Variants in PSMB7 observed in about 807,000 individuals in gnomAD.
PSMB7 encodes proteasome subunit beta type-7.
Under a neutral mutation model 28.1 loss-of-function variants are expected in PSMB7, and 5 were observed. That is an observed-to-expected ratio of 0.18 (90% CI 0.09 to 0.37). PSMB7 has a LOEUF of 0.37. Among genes scored for constraint, PSMB7 ranks in the 10% least tolerant of loss-of-function variants. PSMB7 has a pLI of 1.00. For missense variants in PSMB7, 275 were observed against 346.2 expected, an observed-to-expected ratio of 0.79 and a Z score of 1.63; for synonymous variants, 122 against 123.7, an observed-to-expected ratio of 0.99 and a Z score of 0.09.
chr9:124,383,665 A>G (rs1057198907), intron 6 of PSMB7: 2 of 152,214 alleles, frequency 1.3e-5, no homozygotes, highest in Non-Finnish European at 2.9e-5. Flanking sequence ...GTCAAAAAGC[A>G]ATTCCCAGAG....
intron 5 of PSMB7, among the ~76,000 whole-genome samples, chr9:124,388,207 G>T (rs1257637100): frequency 1.3e-5 from 2 of 152,216 alleles, no homozygotes; most frequent in African/African-American, 4.8e-5. Context: ...CAAAAGCAGA[G>T]ACATCTTAGA....
At chr9:124,378,084 C>T (rs2131156271) in intron 6 of PSMB7, among the ~76,000 whole-genome samples, 1 of 152,350 alleles carries the variant, frequency 6.6e-6, no homozygotes, top group South Asian at 2.1e-4. Context: ...AGAATTCTAA[C>T]TGTAGGGCAC....
intron 7 of PSMB7, among the ~76,000 whole-genome samples, chr9:124,354,066 C>A (rs925411373): frequency 2.0e-5 from 3 of 152,130 alleles, no homozygotes; most frequent in Non-Finnish European, 4.4e-5. Context: ...GAAGCAAATC[C>A]CATCATTACA....
Position 124,369,655 on chromosome 9 carries a change from T to C in PSMB7, c.571-12740A>G, listed in dbSNP as rs555683839. ...TTTAGACACTGTCTGCCATTTCCCT[T>C]CCCAGCTGTCCCAACTTCCAGGACT... On this transcript the variant is annotated intron_variant, in intron 6 of 7. Coordinates refer to ENST00000259457, the MANE Select transcript of PSMB7 (RefSeq NM_002799.4). Among the ~76,000 whole-genome samples the C allele has an allele frequency of 2.6e-5, 4 of 152,292 alleles. No individual in the cohort carries two copies. The East Asian group carries it at 5.8e-4, about 22-fold the overall frequency.
intron 4 of PSMB7, among the ~76,000 whole-genome samples, chr9:124,410,312 A>C (rs1349365449): frequency 6.6e-6 from 1 of 152,210 alleles, no homozygotes; most frequent in Non-Finnish European, 1.5e-5. Flanking sequence ...AGGATTCTTA[A>C]AACATTCTGA....
intron 6 of PSMB7, among the ~76,000 whole-genome samples, chr9:124,361,908 CTCACT>C (rs900248284): frequency 6.6e-6 from 1 of 152,220 alleles, no homozygotes; most frequent in Non-Finnish European, 1.5e-5. Context: ...AATTTCTCTT[CTCACT>C]TAAGTGATTT....
At chr9:124,407,144 C>T (rs1014085532) in intron 4 of PSMB7, among the ~76,000 whole-genome samples, 2 of 152,166 alleles carry the variant, frequency 1.3e-5, no homozygotes, top group African/African-American at 2.4e-5. Flanking sequence ...AAAACTGACA[C>T]ATACTGAATT....
chr9:124,380,511 A>T (rs1830653562), intron 6 of PSMB7, among the ~76,000 whole-genome samples: 1 of 152,224 alleles, frequency 6.6e-6, no homozygotes, highest in Non-Finnish European at 1.5e-5. Flanking sequence ...ACTGCACTCC[A>T]GCCTGGGCAA....
intron 4 of PSMB7, among the ~76,000 whole-genome samples, chr9:124,407,246 G>C (rs2131179216): frequency 6.6e-6 from 1 of 152,358 alleles, no homozygotes; most frequent in Admixed American, 6.5e-5. Flanking sequence ...CACACATCCA[G>C]AAGTGCTCTA....
intron 5 of PSMB7, among the ~76,000 whole-genome samples, chr9:124,386,933 C>A (rs1830727077): frequency 6.6e-6 from 1 of 152,120 alleles, no homozygotes; most frequent in African/African-American, 2.4e-5. Context: ...ATTTCCCTCC[C>A]CAAATAATTA....
At chr9:124,368,144 A>G (rs544332497) in intron 6 of PSMB7, among the ~76,000 whole-genome samples, 1 of 152,376 alleles carries the variant, frequency 6.6e-6, no homozygotes, top group South Asian at 2.1e-4. Context: ...CAGAAAAAGA[A>G]GGCAGACTTA....
chr9:124,361,385 G>A (rs934094365), intron 6 of PSMB7, among the ~76,000 whole-genome samples: 4 of 152,124 alleles, frequency 2.6e-5, no homozygotes, highest in African/African-American at 4.8e-5. Context: ...GGTCCACGTC[G>A]GCCACGTAAT....
intron 5 of PSMB7, among the ~76,000 whole-genome samples, chr9:124,401,282 C>T (rs1830903758): frequency 6.6e-6 from 1 of 152,220 alleles, no homozygotes; most frequent in Admixed American, 6.5e-5. Context: ...CAAACACCCA[C>T]CAGCCACACA....
chr9:124,367,050 G>A (rs1258965252), intron 6 of PSMB7, among the ~76,000 whole-genome samples: 1 of 152,238 alleles, frequency 6.6e-6, no homozygotes, highest in Non-Finnish European at 1.5e-5. Context: ...CTACGACAGG[G>A]AAGCCGTGGG....
At chr9:124,353,823 T>C (rs10818946) in intron 7 of PSMB7, 114 bp from the exon 8 acceptor site, 3 of 774,022 alleles carry the variant, frequency 3.9e-6, no homozygotes, top group African/African-American at 3.5e-5. Flanking sequence ...GACTGGAATC[T>C]TGGCTCTCCC....
chr9:124,398,800 A>G (rs1002650891), intron 5 of PSMB7, among the ~76,000 whole-genome samples: 1 of 152,196 alleles, frequency 6.6e-6, no homozygotes, highest in Non-Finnish European at 1.5e-5. Context: ...CAAGGGTTCA[A>G]ATCCCAGCTT....
At chr9:124,388,804 G>T (rs1179105479) in intron 5 of PSMB7, among the ~76,000 whole-genome samples, 1 of 152,080 alleles carries the variant, frequency 6.6e-6, no homozygotes, top group East Asian at 1.9e-4. Flanking sequence ...GCAGTCCACA[G>T]AACTCCCAGT....
chr9:124,411,408 G>A (rs1486388425), intron 4 of PSMB7, among the ~76,000 whole-genome samples: 1 of 152,214 alleles, frequency 6.6e-6, no homozygotes, highest in Non-Finnish European at 1.5e-5. Context: ...AATCTTTACT[G>A]TCTATCCGTG....
At chr9:124,411,967 AG>A (rs1210170276) in intron 4 of PSMB7, among the ~76,000 whole-genome samples, 1 of 127,230 alleles carries the variant, frequency 7.9e-6, no homozygotes, top group Non-Finnish European at 1.6e-5. Flanking sequence ...CCCTAAAGGG[AG>A]GGGGTGGGGG....
Sources: gnomAD v4.1 joint callset for allele counts (sites outside exome capture counted in the v4.1 genomes callset) on GRCh38, gnomAD v4.1.1 for gene constraint, MANE v1.5 for transcripts, NCBI Gene and HGNC (gene_info 2026-07-23, HGNC 2026-07-21) for gene names.